Variants in GSG1L2 observed in about 807,000 individuals in gnomAD.
GSG1L2 encodes the protein germ cell-specific gene 1-like protein 2.
In GSG1L2, 15 loss-of-function variants were observed where a neutral mutation model predicts 9.0. The ratio of observed to expected loss-of-function variants is 1.67; its 90% CI spans 1.12 to 2.57. GSG1L2 has a LOEUF of 2.57. Among genes scored for constraint, GSG1L2 ranks in the 30% most tolerant of loss-of-function variants. The pLI, the probability that GSG1L2 is intolerant of heterozygous loss-of-function variation, is 0.00. For missense variants in GSG1L2, 286 were observed against 150.3 expected, an observed-to-expected ratio of 1.90 and a Z score of -4.72; for synonymous variants, 127 against 57.9, an observed-to-expected ratio of 2.19 and a Z score of -5.41.
chr17:9,810,339 T>C (rs2066534345), intron 2 of GSG1L2: 3 of 578,162 alleles, frequency 5.2e-6, no homozygotes, highest in Non-Finnish European at 9.2e-6. Flanking sequence ...ACACGGCCAG[T>C]GCTGCCAATC....
Position 9,816,882 on chromosome 17 carries a change from CTG to C in GSG1L2, c.310+4878_310+4879del, listed in dbSNP as rs376133234. ...TGTATGTGTGTGTCTGTGTGTGTAT[CTG>C]TGTGTGTGTATCTGTGTGTGTGTAT... On this transcript the variant is annotated intron_variant, in intron 1 of 4. Transcript: ENST00000399363. Among the ~76,000 whole-genome samples, 102 of 36,126 alleles carry C rather than the reference CTG, an allele frequency of 2.8e-3. 1 individual carries two copies. The East Asian group carries it at 0.14, about 51-fold the overall frequency. 23.7% of individuals were successfully genotyped at this position (36,126 alleles called of 152,430 possible).
At chr17:9,817,712 A>T (rs2066573312) in intron 1 of GSG1L2, among the ~76,000 whole-genome samples, 1 of 152,126 alleles carries the variant, frequency 6.6e-6, no homozygotes, top group African/African-American at 2.4e-5. Context: ...GATGTGAGCC[A>T]CCATACCTGG....
At chr17:9,816,522 C>G (rs113406662) in intron 1 of GSG1L2, among the ~76,000 whole-genome samples, 37 of 140,756 alleles carry the variant, frequency 2.6e-4, no homozygotes, top group East Asian at 1.7e-3. Flanking sequence ...GTGTGCGTGT[C>G]TGTGTCTCTG....
chr17:9,812,126 A>G (rs1312775631), intron 1 of GSG1L2, among the ~76,000 whole-genome samples: 3 of 152,152 alleles, frequency 2.0e-5, no homozygotes, highest in African/African-American at 7.2e-5. Context: ...CTATTAGAGC[A>G]TTTTTGCAGT....
intron 4 of GSG1L2, among the ~76,000 whole-genome samples, chr17:9,803,265 G>C (rs2066504552): frequency 6.6e-6 from 1 of 152,114 alleles, no homozygotes; most frequent in East Asian, 1.9e-4. Context: ...ACCACACCCG[G>C]CTAATTTTTG....
chr17:9,802,960 T>G (rs1300699462), intron 4 of GSG1L2, among the ~76,000 whole-genome samples: 1 of 152,214 alleles, frequency 6.6e-6, no homozygotes, highest in Non-Finnish European at 1.5e-5. Flanking sequence ...ATATTAATGC[T>G]GCCACCAGGG....
At chr17:9,818,167 G>C (rs528069844) in intron 1 of GSG1L2, among the ~76,000 whole-genome samples, 5 of 152,316 alleles carry the variant, frequency 3.3e-5, no homozygotes, top group Non-Finnish European at 7.3e-5. Flanking sequence ...TCTGCTGGCT[G>C]TTCGGGAAGC....
rs540896616 is a variant in GSG1L2 at position 9,801,032 on chromosome 17, T to C, written c.*1354A>G. ...CCACAAACACGAAGGTAGCTGGATTTTTTTTTTCATTTTTTTTATGACAGT... is the reference window on the plus strand; with the variant it reads ...CCACAAACACGAAGGTAGCTGGATTCTTTTTTTCATTTTTTTTATGACAGT... On this transcript the variant is annotated 3_prime_UTR_variant, in exon 5 of 5. Transcript: ENST00000399363. 6.6e-5 allele frequency among the ~76,000 whole-genome samples: 10 copies of C among 152,200 alleles called. No individual in the cohort carries two copies. The highest frequency in any genetic ancestry group is 1.3e-4 in the Non-Finnish European group (9 of 68,042).
At chr17:9,816,522 C>CTGTGTGTTTATGTG (rs1491196761) in intron 1 of GSG1L2, among the ~76,000 whole-genome samples, 9 of 140,664 alleles carry the variant, frequency 6.4e-5, no homozygotes, top group African/African-American at 2.5e-4. Flanking sequence ...GTGTGCGTGT[C>CTGTGTGTTTATGTG]TGTGTCTCTG....
chr17:9,816,416 C>CTG (rs150644987), intron 1 of GSG1L2, among the ~76,000 whole-genome samples: 18,010 of 132,912 alleles, frequency 0.14, 1,349 homozygotes, highest in Middle Eastern at 0.2. Context: ...GTGTGTGTGT[C>CTG]TGTGTGTGTG....
intron 2 of GSG1L2, 135 bp from the exon 3 acceptor site, chr17:9,809,117 T>G (rs1386260729): frequency 1.6e-6 from 1 of 625,016 alleles, no homozygotes; most frequent in African/African-American, 1.8e-5. Flanking sequence ...CACAGATGCC[T>G]CTGCTGAATC....
rs1159713666 is a variant in GSG1L2 at position 9,807,554 on chromosome 17, T to G, written c.559A>C (p.Ile187Leu). Reference sequence around the variant, plus strand: ...TCTTCTGGTCCAAGGTTCACAGTGATTTGAAAAATGGTTGTGTACATCATG... The same window carrying G: ...TCTTCTGGTCCAAGGTTCACAGTGAGTTGAAAAATGGTTGTGTACATCATG... ...AHMMYTTIFQ[I>L]TVNLGPEDWK... The change falls in exon 4 of 5, where the codon ATC becomes CTC. Residue 187 changes from isoleucine (I) to leucine (L), a missense_variant. Ile to Leu is a conservative substitution (Grantham distance 5). Coordinates refer to ENST00000399363, the MANE Select transcript of GSG1L2 (RefSeq NM_001310219.2). The G allele has an allele frequency of 1.3e-5, 9 of 703,102 alleles. No homozygotes were observed. The highest frequency in any genetic ancestry group is 2.1e-5 in the Non-Finnish European group (8 of 385,026). 43.6% of individuals were successfully genotyped at this position (703,102 alleles called of 1,614,324 possible).
At chr17:9,809,244 G>A (rs1236705138) in intron 2 of GSG1L2, 6 of 458,244 alleles carry the variant, frequency 1.3e-5, no homozygotes, top group South Asian at 2.1e-5. Flanking sequence ...CTGCTGTGAG[G>A]ATATGAGTGG....
intron 1 of GSG1L2, among the ~76,000 whole-genome samples, chr17:9,811,411 G>A (rs1161421881): frequency 6.6e-6 from 1 of 152,164 alleles, no homozygotes; most frequent in African/African-American, 2.4e-5. Context: ...GTATGTGAGT[G>A]TCATCTGTCA....
At chr17:9,806,168 C>A (rs988282285) in intron 4 of GSG1L2, among the ~76,000 whole-genome samples, 1 of 152,124 alleles carries the variant, frequency 6.6e-6, no homozygotes, top group African/African-American at 2.4e-5. Flanking sequence ...TTTATTTTTC[C>A]CCATTGCCAA....
intron 1 of GSG1L2, among the ~76,000 whole-genome samples, chr17:9,812,207 T>C (rs1189885929): frequency 6.6e-6 from 1 of 152,194 alleles, no homozygotes; most frequent in East Asian, 1.9e-4. Context: ...CCAGCTACCA[T>C]TGCTGGAAGA....
chr17:9,814,185 C>T (rs576457466), intron 1 of GSG1L2, among the ~76,000 whole-genome samples: 15 of 152,222 alleles, frequency 9.9e-5, no homozygotes, highest in African/African-American at 2.4e-4. Context: ...CCGTCCGCCT[C>T]GGCCTCCCGA....
At chr17:9,816,092 T>G (rs1319002350) in intron 1 of GSG1L2, among the ~76,000 whole-genome samples, 1 of 152,204 alleles carries the variant, frequency 6.6e-6, no homozygotes, top group Non-Finnish European at 1.5e-5. Context: ...TCTCACCAGA[T>G]GTGCTCCCTC....
chr17:9,819,272 T>A (rs919623599), intron 1 of GSG1L2, among the ~76,000 whole-genome samples: 3 of 152,176 alleles, frequency 2.0e-5, no homozygotes, highest in African/African-American at 7.2e-5. Context: ...ATGAACAATA[T>A]TGATAGAGTC....
Sources: allele counts gnomAD v4.1 joint callset (sites outside exome capture counted in the v4.1 genomes callset), GRCh38; gene constraint gnomAD v4.1.1; transcripts MANE v1.5; gene names NCBI Gene and HGNC (gene_info 2026-07-23, HGNC 2026-07-21).